The following SLC25A21 variants were observed in gnomAD, a reference collection of about 807,000 sequenced individuals.
SLC25A21 encodes mitochondrial 2-oxodicarboxylate carrier.
Under a neutral mutation model 43.8 loss-of-function variants are expected in SLC25A21, and 47 were observed. That is an observed-to-expected ratio of 1.07 (90% CI 0.85 to 1.37). The LOEUF (loss-of-function observed/expected upper bound fraction) is 1.37, where lower values mean the gene tolerates loss of function less well. SLC25A21 is among the 40% of genes most tolerant of loss of function. The pLI is 0.00. For synonymous variants in SLC25A21, 131 were observed against 121.3 expected (o/e 1.08, Z -0.52); for missense variants, 352 against 350.2 (o/e 1.00, Z -0.04).
intron 7 of SLC25A21, among the ~76,000 whole-genome samples, chr14:36,709,626 G>A (rs1019746663): frequency 2.0e-5 from 3 of 152,182 alleles, no homozygotes; most frequent in African/African-American, 7.2e-5. Context: ...GGGAAACCTG[G>A]TTAACAACTT....
intron 1 of SLC25A21, among the ~76,000 whole-genome samples, chr14:37,147,660 A>C (rs576989148): frequency 8.2e-4 from 122 of 149,092 alleles, no homozygotes; most frequent in Non-Finnish European, 1.6e-3. Flanking sequence ...AAAAAAAAGG[A>C]AGAAAATTTT....
At chr14:36,821,363 CAAG>C (rs1461139312) in intron 2 of SLC25A21, among the ~76,000 whole-genome samples, 2 of 148,100 alleles carry the variant, frequency 1.4e-5, no homozygotes, top group Non-Finnish European at 3.0e-5. Flanking sequence ...TTTTTTTTAG[CAAG>C]TACTGGGCAG....
intron 1 of SLC25A21, among the ~76,000 whole-genome samples, chr14:36,968,701 C>G (rs1273806542): frequency 6.6e-6 from 1 of 152,078 alleles, no homozygotes; most frequent in African/African-American, 2.4e-5. Flanking sequence ...AGTTACAGCA[C>G]CTGACTAAAC....
At chr14:36,905,461 G>T (rs976815369) in intron 1 of SLC25A21, among the ~76,000 whole-genome samples, 1 of 152,216 alleles carries the variant, frequency 6.6e-6, no homozygotes, top group African/African-American at 2.4e-5. Flanking sequence ...TTCACAAGAA[G>T]CTTGCCCACT....
chr14:36,876,460 G>A (rs536203641), intron 1 of SLC25A21, among the ~76,000 whole-genome samples: 1 of 152,180 alleles, frequency 6.6e-6, no homozygotes, highest in South Asian at 2.1e-4. Flanking sequence ...ATTGCCTAGA[G>A]ACAGGAGGAG....
At chr14:36,865,468 CA>C (rs1890188693) in intron 2 of SLC25A21, among the ~76,000 whole-genome samples, 1 of 152,084 alleles carries the variant, frequency 6.6e-6, no homozygotes, top group Non-Finnish European at 1.5e-5. Context: ...ATATCACTCT[CA>C]AAAACCACGG....
intron 1 of SLC25A21, among the ~76,000 whole-genome samples, chr14:37,165,573 C>T (rs1964016556): frequency 6.6e-6 from 1 of 152,022 alleles, no homozygotes; most frequent in Admixed American, 6.6e-5. Context: ...TTCTGGGAGG[C>T]AGGAGGAGGG....
intron 3 of SLC25A21, among the ~76,000 whole-genome samples, chr14:36,743,904 C>A (rs747120532): frequency 6.6e-6 from 1 of 152,044 alleles, no homozygotes; most frequent in Non-Finnish European, 1.5e-5. Context: ...ATAACCAAAT[C>A]GAGAACTGAA....
intron 2 of SLC25A21, among the ~76,000 whole-genome samples, chr14:36,814,208 C>A (rs965692861): frequency 2.6e-5 from 4 of 152,070 alleles, no homozygotes; most frequent in Non-Finnish European, 5.9e-5. Flanking sequence ...TTAATGAAAT[C>A]TATAGAAAAA....
At chr14:36,742,761 A>G (rs981524647) in intron 3 of SLC25A21, among the ~76,000 whole-genome samples, 2 of 152,190 alleles carry the variant, frequency 1.3e-5, no homozygotes, top group African/African-American at 4.8e-5. Context: ...CCCAACTCAT[A>G]TCAGGTCTTC....
intron 2 of SLC25A21, among the ~76,000 whole-genome samples, chr14:36,836,017 T>C (rs914873554): frequency 6.6e-6 from 1 of 152,204 alleles, no homozygotes; most frequent in East Asian, 1.9e-4. Context: ...CAGCTACTAT[T>C]GTCAAAACTG....
At chr14:36,695,844 C>A (rs1486379444) in intron 7 of SLC25A21, among the ~76,000 whole-genome samples, 1 of 152,168 alleles carries the variant, frequency 6.6e-6, no homozygotes, top group Non-Finnish European at 1.5e-5. Flanking sequence ...ACAATCATGT[C>A]ATCTGCAAAC....
chr14:36,725,174 TTAAAAA>T (rs1179236812), intron 6 of SLC25A21: 1 of 152,664 alleles, frequency 6.6e-6, no homozygotes, highest in Non-Finnish European at 1.5e-5. Flanking sequence ...CACATGCACA[TTAAAAA>T]TAAGTTTTTA....
intron 3 of SLC25A21, among the ~76,000 whole-genome samples, chr14:36,802,851 G>A (rs931236167): frequency 3.9e-5 from 6 of 152,194 alleles, no homozygotes; most frequent in Non-Finnish European, 8.8e-5. Flanking sequence ...AGAAGGGCTG[G>A]AACATAAGAG....
chr14:36,798,053 G>A (rs1307913297), intron 3 of SLC25A21, among the ~76,000 whole-genome samples: 3 of 152,090 alleles, frequency 2.0e-5, no homozygotes, highest in Non-Finnish European at 4.4e-5. Context: ...AATAAATGAT[G>A]GTTCATATAG....
intron 3 of SLC25A21, among the ~76,000 whole-genome samples, chr14:36,768,719 T>C (rs1263278506): frequency 1.3e-5 from 2 of 152,078 alleles, no homozygotes; most frequent in Non-Finnish European, 2.9e-5. Context: ...GCAATGGAAG[T>C]CATATTATAA....
chr14:37,050,637 T>C lies in SLC25A21; in HGVS notation c.70+121644A>G, dbSNP rs756070209. On this transcript the variant is annotated intron_variant, in intron 1 of 9. Transcript: ENST00000331299. ...TGCAAGGAGTTTTATTAGAATGCGTTCATTTGAGTAAAAATAGATGACAGA... is the reference window on the plus strand; with the variant it reads ...TGCAAGGAGTTTTATTAGAATGCGTCCATTTGAGTAAAAATAGATGACAGA... Among the ~76,000 whole-genome samples, 16 of 152,194 alleles carry C rather than the reference T, an allele frequency of 1.1e-4. 1 individual carries two copies. Among genetic ancestry groups the C allele is most frequent in the Non-Finnish European group, 1.9e-4 (13 of 68,038 alleles).
rs575158249 is a variant in SLC25A21, at chr14:37,127,699, T to G, written c.70+44582A>C. On this transcript the variant is annotated intron_variant, in intron 1 of 9. Transcript: ENST00000331299. ...CACAAAGACCAGGTCTCTAACTGAC[T>G]GCTACATTCAATTGTCTTGTCTCAA... Among the ~76,000 whole-genome samples, 8 of 152,324 alleles carry G rather than the reference T, an allele frequency of 5.3e-5. No homozygotes were observed. The South Asian group carries it at 1.7e-3, about 32-fold the overall frequency.
At chr14:37,157,370 A>C (rs1012295065) in intron 1 of SLC25A21, among the ~76,000 whole-genome samples, 1 of 151,180 alleles carries the variant, frequency 6.6e-6, no homozygotes, top group Admixed American at 6.6e-5. Flanking sequence ...TCAAAAAGGA[A>C]AAAAAAAATC....
Sources: allele counts gnomAD v4.1 joint callset (sites outside exome capture counted in the v4.1 genomes callset), GRCh38; gene constraint gnomAD v4.1.1; transcripts MANE v1.5; gene names NCBI Gene and HGNC (gene_info 2026-07-23, HGNC 2026-07-21).